The following PDE2A variants were observed in gnomAD, a reference collection of about 807,000 sequenced individuals.
PDE2A encodes the protein phosphodiesterase 2A.
Under a neutral mutation model 133.6 loss-of-function variants are expected in PDE2A, and 53 were observed. That is an observed-to-expected ratio of 0.40 (90% confidence interval 0.32 to 0.50). The LOEUF (loss-of-function observed/expected upper bound fraction) is 0.50. Among genes scored for constraint, PDE2A ranks in the 20% least tolerant of loss-of-function variants. The pLI is 0.73. For missense variants in PDE2A, 796 were observed against 1,232.4 expected, an observed-to-expected ratio of 0.65 and a Z score of 5.30; for synonymous variants, 491 against 490.2, an observed-to-expected ratio of 1.00 and a Z score of -0.02.
chr11:72,632,424 A>G (rs1858451843), intron 2 of PDE2A, among the ~76,000 whole-genome samples: 7 of 152,058 alleles, frequency 4.6e-5, no homozygotes, highest in Admixed American at 3.3e-4. Flanking sequence ...AGGTGTGGCC[A>G]TCTCCGGCAG....
chr11:72,580,121 G>GTGT (rs1855655238), intron 25 of PDE2A, among the ~76,000 whole-genome samples: 1 of 152,108 alleles, frequency 6.6e-6, no homozygotes, highest in African/African-American at 2.4e-5. Context: ...TGCAAGCAGG[G>GTGT]GCAGCCTCTG....
At chr11:72,584,507 G>C (rs1251598659) in intron 18 of PDE2A, 44 bp downstream of exon 18, 2 of 1,542,250 alleles carry the variant, frequency 1.3e-6, no homozygotes, top group East Asian at 4.8e-5. Context: ...GACCCGCCCC[G>C]CCCGGCGCAG....
chr11:72,650,020 T>TA (rs200865852), intron 1 of PDE2A, among the ~76,000 whole-genome samples: 3 of 82,256 alleles, frequency 3.6e-5, no homozygotes, highest in African/African-American at 1.7e-4. Flanking sequence ...GCCCTGAGAC[T>TA]TTTTTTTTTT....
intron 2 of PDE2A, among the ~76,000 whole-genome samples, chr11:72,620,918 C>T (rs552619007): frequency 4.9e-4 from 75 of 152,014 alleles, no homozygotes; most frequent in Middle Eastern, 6.8e-3. Flanking sequence ...CCTCACTCAG[C>T]GCACCTTCAC....
intron 2 of PDE2A, among the ~76,000 whole-genome samples, chr11:72,639,022 C>A (rs1409059472): frequency 6.6e-6 from 1 of 152,204 alleles, no homozygotes; most frequent in Admixed American, 6.5e-5. Context: ...TGTGACACTG[C>A]GGCATCGACC....
intron 22 of PDE2A, 123 bp from the exon 23 acceptor site, chr11:72,581,602 CTG>C: frequency 8.9e-7 from 1 of 1,129,658 alleles, no homozygotes; most frequent in African/African-American, 1.6e-5. Context: ...CTTGATGACT[CTG>C]TCTTAGCAGG....
intron 1 of PDE2A, among the ~76,000 whole-genome samples, chr11:72,665,928 A>G (rs1855221502): frequency 1.3e-5 from 2 of 152,044 alleles, no homozygotes; most frequent in African/African-American, 4.8e-5. Flanking sequence ...AAAACACGAA[A>G]AAAAAAGCAA....
intron 3 of PDE2A, among the ~76,000 whole-genome samples, chr11:72,607,482 G>A (rs756681053): frequency 2.0e-5 from 3 of 152,030 alleles, no homozygotes; most frequent in Non-Finnish European, 4.4e-5. Flanking sequence ...ATTTTTGGGC[G>A]CCAACACACC....
At chr11:72,636,969 C>T (rs1233546954) in intron 2 of PDE2A, among the ~76,000 whole-genome samples, 8 of 152,204 alleles carry the variant, frequency 5.3e-5, no homozygotes, top group Admixed American at 3.9e-4. Flanking sequence ...CTTTACCAGT[C>T]CCCATCCCCC....
chr11:72,582,706 G>T, intron 20 of PDE2A, 140 bp from the exon 21 acceptor site: 1 of 809,228 alleles, frequency 1.2e-6, no homozygotes, highest in Non-Finnish European at 1.9e-6. Context: ...CTGTAACTGG[G>T]CAGGAAATCA....
At chr11:72,605,304 G>A in intron 3 of PDE2A, 78 bp from the exon 4 acceptor site, 1 of 691,418 alleles carries the variant, frequency 1.4e-6, no homozygotes, top group Non-Finnish European at 2.3e-6. Context: ...ACAGGGGTCT[G>A]TGGGGCAAGG....
chr11:72,617,469 G>A (rs192474051), intron 2 of PDE2A, among the ~76,000 whole-genome samples: 6 of 152,170 alleles, frequency 3.9e-5, no homozygotes, highest in East Asian at 1.9e-4. Context: ...CTCCCTGGGC[G>A]CTCTCTCTGT....
At position 72,596,579 on chromosome 11, in the gene PDE2A, A is replaced by C. The variant is rs1424317321; in HGVS notation, c.489+14T>G. The stretch of plus-strand genomic sequence containing the variant: ...CTCCTCTCCCTACATCCCACCGCCT[A>C]GGCAGGCTCTTACCAAGATGACAGC... On this transcript the variant is annotated intron_variant, in intron 6 of 30. Transcript: ENST00000334456. 8.9e-6 allele frequency: 13 copies of C among 1,464,966 alleles called. No homozygotes were observed. The highest frequency in any genetic ancestry group is 4.3e-5 in the Admixed American group (2 of 46,062). 90.7% of individuals were successfully genotyped at this position (1,464,966 alleles called of 1,614,324 possible). A position where few individuals can be genotyped will look rare whatever the true frequency, so the allele number is the denominator to read the frequency against.
chr11:72,651,024 C>T (rs1377869091), intron 1 of PDE2A, among the ~76,000 whole-genome samples: 1 of 152,184 alleles, frequency 6.6e-6, no homozygotes, highest in Non-Finnish European at 1.5e-5. Context: ...ACACTCCCTG[C>T]TAACTCAGAA....
At chr11:72,637,993 T>C (rs922465033) in intron 2 of PDE2A, among the ~76,000 whole-genome samples, 49 of 152,038 alleles carry the variant, frequency 3.2e-4, no homozygotes, top group Admixed American at 5.9e-4. Context: ...TATGGATAGC[T>C]GGGGCTGGCA....
chr11:72,589,179 G>A lies in PDE2A; in HGVS notation c.935C>T (p.Thr312Ile), dbSNP rs1325346847. 6.2e-7 allele frequency: 1 copy of A among 1,613,048 alleles called. No homozygotes were observed. The highest frequency in any genetic ancestry group is 2.2e-5 in the East Asian group (1 of 44,878). Residue 312 changes from threonine to isoleucine, a missense_variant, in exon 12 of 31, where the codon ACC becomes ATC. Physicochemically the swap from Thr to Ile is moderately conservative, Grantham distance 89. Transcript: ENST00000334456. ...GTCAGCCAGGCCATGACTTACGGAG[G>A]TGAGGTCCTTCAGCTGGATGGACTT... The part of the protein sequence containing the change: ...DKKSIQLKDL[T>I]SEDVQQLQSM...
rs60716742 is a variant in PDE2A, at chr11:72,596,484, T to TCACACA, written c.489+103_489+108dup. The TCACACA allele has an allele frequency of 1.4e-3, 266 of 192,256 alleles. 1 individual carries two copies. Among genetic ancestry groups the TCACACA allele is most frequent in the African/African-American group, 6.3e-3 (113 of 17,818 alleles). The allele number at this position is 192,256 out of a possible 1,614,324, so 11.9% of individuals were successfully genotyped here. A position where few individuals can be genotyped will look rare whatever the true frequency, so the allele number is the denominator to read the frequency against. ...CTCTCTCTCTCTCTCTCTCTCTCTC[T>TCACACA]CACACACACACACACACACACACAC... On this transcript the variant is annotated intron_variant, in intron 6 of 30. Coordinates refer to ENST00000334456, the MANE Select transcript of PDE2A (RefSeq NM_002599.5).
In PDE2A at chr11:72,644,716, GTTATT is replaced by G. The variant is rs559565779; in HGVS notation, c.72-2395_72-2391del. 8.7e-5 allele frequency among the ~76,000 whole-genome samples: 13 copies of G among 149,968 alleles called. No homozygotes were observed. In the East Asian group the frequency reaches 2.2e-3, roughly 25 times the overall value. ...CTCCATGGCACTCACCTCTTGAGAA[GTTATT>G]TTATTTATTTTATTTTATTTTATTT... On this transcript the variant is annotated intron_variant, in intron 1 of 30. Transcript: ENST00000334456.
intron 3 of PDE2A, 23 bp downstream of exon 3, chr11:72,608,639 G>T (rs542721232): frequency 2.3e-6 from 3 of 1,287,156 alleles, no homozygotes; most frequent in Admixed American, 3.9e-5. Flanking sequence ...GGTGGGAAGC[G>T]TGGGGCAAGG....
Sources: gnomAD v4.1 joint callset for allele counts (sites outside exome capture counted in the v4.1 genomes callset) on GRCh38, gnomAD v4.1.1 for gene constraint, MANE v1.5 for transcripts, NCBI Gene and HGNC (gene_info 2026-07-23, HGNC 2026-07-21) for gene names.